GUCY1A2: variants seen among roughly 807,000 people sequenced by gnomAD.
GUCY1A2 encodes the protein guanylate cyclase soluble subunit alpha-2.
In GUCY1A2, 27 loss-of-function variants were observed where a neutral mutation model predicts 63.5. The ratio of observed to expected loss-of-function variants is 0.43; its 90% CI spans 0.31 to 0.59. GUCY1A2 has a LOEUF of 0.59. GUCY1A2 is among the 20% of genes least tolerant of loss of function. The pLI, the probability that GUCY1A2 is intolerant of heterozygous loss-of-function variation, is 0.11. For missense variants in GUCY1A2, 768 were observed against 913.3 expected (o/e 0.84, Z 2.05); for synonymous variants, 364 against 343.5 (o/e 1.06, Z -0.66).
At chr11:106,997,557 G>A (rs187389522) in intron 1 of GUCY1A2, among the ~76,000 whole-genome samples, 68 of 151,866 alleles carry the variant, frequency 4.5e-4, no homozygotes, top group African/African-American at 1.6e-3. Flanking sequence ...CACAAAAATC[G>A]CTACCACCAC....
chr11:106,745,000 A>T (rs1233810562), intron 6 of GUCY1A2, among the ~76,000 whole-genome samples: 1 of 152,216 alleles, frequency 6.6e-6, no homozygotes, highest in Non-Finnish European at 1.5e-5. Context: ...AAAATTATTT[A>T]AAATACTATC....
In GUCY1A2 at chr11:106,904,083, A is replaced by C. The variant is rs140161946; in HGVS notation, c.1206+35377T>G. On this transcript the variant is annotated intron_variant, in intron 4 of 7. Coordinates refer to ENST00000526355, the MANE Select transcript of GUCY1A2 (RefSeq NM_000855.3). ...ACCTAAAGTTATTTATAAGTAACCA[A>C]ATTTATTTGACAGCAGCCACAAAGC... 9.8e-4 allele frequency among the ~76,000 whole-genome samples: 149 copies of C among 152,288 alleles called. 1 individual carries two copies. Among genetic ancestry groups the C allele is most frequent in the African/African-American group, 3.4e-3 (141 of 41,586 alleles).
At chr11:106,778,896 T>C (rs111309028) in intron 5 of GUCY1A2, among the ~76,000 whole-genome samples, 1 of 151,772 alleles carries the variant, frequency 6.6e-6, no homozygotes, top group Admixed American at 6.6e-5. Context: ...TAGATCTGTA[T>C]AGGAAAAATA....
rs112322215 is a variant in GUCY1A2 at position 106,979,094 on chromosome 11, T to C, written c.366-354A>G. Among the ~76,000 whole-genome samples, 8 of 152,318 alleles carry C rather than the reference T, an allele frequency of 5.3e-5. 2 individuals carry two copies. The highest frequency in any genetic ancestry group is 1.7e-4 in the African/African-American group (7 of 41,574). ...CTAGAAAAGGAAAAGTTAACAATGT[T>C]AATTTGGTGTCCTGGCATTCAATGG... On this transcript the variant is annotated intron_variant, in intron 2 of 7. Transcript: ENST00000526355.
intron 4 of GUCY1A2, among the ~76,000 whole-genome samples, chr11:106,896,814 A>C (rs780566101): frequency 1.3e-4 from 20 of 152,212 alleles, no homozygotes; most frequent in Non-Finnish European, 1.9e-4. Flanking sequence ...TGTGAGAAAT[A>C]AATTTCTGTT....
intron 6 of GUCY1A2, among the ~76,000 whole-genome samples, chr11:106,757,462 A>C (rs1863994504): frequency 6.6e-6 from 1 of 152,072 alleles, no homozygotes; most frequent in Non-Finnish European, 1.5e-5. Context: ...ACCTTTTTTC[A>C]TTGGTTTCTC....
chr11:106,718,732 T>C (rs896572197), intron 6 of GUCY1A2, among the ~76,000 whole-genome samples: 1 of 151,958 alleles, frequency 6.6e-6, no homozygotes, highest in African/African-American at 2.4e-5. Flanking sequence ...AACTTAGCGG[T>C]TGAAAAAAAA....
At chr11:106,780,096 G>A (rs1329529803) in intron 5 of GUCY1A2, among the ~76,000 whole-genome samples, 2 of 152,118 alleles carry the variant, frequency 1.3e-5, no homozygotes, top group Non-Finnish European at 2.9e-5. Context: ...AGGAGATCAA[G>A]GCTGCAGTGG....
intron 1 of GUCY1A2, among the ~76,000 whole-genome samples, chr11:107,016,077 A>G (rs1328119196): frequency 6.6e-6 from 1 of 152,218 alleles, no homozygotes; most frequent in African/African-American, 2.4e-5. Context: ...TACAAGTGCC[A>G]CAAGAATATT....
chr11:106,709,022 T>C (rs192333301), intron 6 of GUCY1A2, among the ~76,000 whole-genome samples: 118 of 149,806 alleles, frequency 7.9e-4, no homozygotes, highest in Non-Finnish European at 1.4e-3. Flanking sequence ...CCAGTTATTC[T>C]TAAATAAAAC....
intron 4 of GUCY1A2, among the ~76,000 whole-genome samples, chr11:106,881,408 C>A (rs1859821938): frequency 6.6e-6 from 1 of 151,610 alleles, no homozygotes; most frequent in Non-Finnish European, 1.5e-5. Context: ...TATTTTTTAC[C>A]AAAAGTTCTT....
chr11:107,017,763 G>A lies in GUCY1A2; in HGVS notation c.293C>T (p.Thr98Met). Residue 98 changes from threonine (T) to methionine (M), a missense_variant, in exon 1 of 8, where the codon ACG becomes ATG. By Grantham distance (81) the Thr-to-Met change is moderately conservative. Transcript: ENST00000526355. ...CCGCCCCCCGCTCACCGAGGGCGCC[G>A]TCAGGCGGCTGATGCTCTCGCCCAG... is the stretch of plus-strand genomic sequence containing the variant. ...DSLGESISRL[T>M]APSPQTIQQT... is the part of the protein sequence containing the mutation. 1 of 1,415,636 alleles carries A rather than the reference G, an allele frequency of 7.1e-7. No homozygotes were observed. The highest frequency in any genetic ancestry group is 9.2e-7 in the Non-Finnish European group (1 of 1,084,026). 87.7% of individuals were successfully genotyped at this position (1,415,636 alleles called of 1,614,324 possible).
chr11:106,761,585 A>G (rs764679373), intron 6 of GUCY1A2, among the ~76,000 whole-genome samples: 81 of 152,306 alleles, frequency 5.3e-4, no homozygotes, highest in Admixed American at 9.2e-4. Flanking sequence ...TGCCTGAGAT[A>G]ATTTTTAAAT....
At chr11:106,930,737 T>C (rs992385545) in intron 4 of GUCY1A2, among the ~76,000 whole-genome samples, 1 of 152,176 alleles carries the variant, frequency 6.6e-6, no homozygotes, top group South Asian at 2.1e-4. Context: ...AAAAGAAACC[T>C]AGTGTGTTAT....
rs374275407 is a variant in GUCY1A2 at position 106,962,290 on chromosome 11, G to A, written c.487+16329C>T. 1.7e-4 allele frequency among the ~76,000 whole-genome samples: 26 copies of A among 152,146 alleles called. No individual in the cohort carries two copies. In the East Asian group the frequency reaches 3.5e-3, roughly 20 times the overall value. On this transcript the variant is annotated intron_variant, in intron 3 of 7. Transcript: ENST00000526355. ...TATGGGGCTGGGTGTGGTGGCTCACGCCTGTAATCCCAGCACTTTGGGAGG... is the reference window on the plus strand; with the variant it reads ...TATGGGGCTGGGTGTGGTGGCTCACACCTGTAATCCCAGCACTTTGGGAGG...
chr11:106,779,656 G>GAAA (rs11455773), intron 5 of GUCY1A2, among the ~76,000 whole-genome samples: 1 of 151,414 alleles, frequency 6.6e-6, no homozygotes, highest in African/African-American at 2.4e-5. Context: ...TATCTTTTCA[G>GAAA]AAAAAAAAAT....
At chr11:106,737,239 T>G (rs1863606292) in intron 6 of GUCY1A2, among the ~76,000 whole-genome samples, 1 of 152,172 alleles carries the variant, frequency 6.6e-6, no homozygotes, top group African/African-American at 2.4e-5. Flanking sequence ...AGAAGAGAAC[T>G]TAACATACTT....
At chr11:106,973,339 T>C (rs1366494461) in intron 3 of GUCY1A2, among the ~76,000 whole-genome samples, 1 of 152,124 alleles carries the variant, frequency 6.6e-6, no homozygotes, top group Non-Finnish European at 1.5e-5. Flanking sequence ...AGCATAGCTA[T>C]GAAACCACGT....
chr11:107,012,069 T>G (rs1861753788), intron 1 of GUCY1A2, among the ~76,000 whole-genome samples: 1 of 152,180 alleles, frequency 6.6e-6, no homozygotes, highest in Non-Finnish European at 1.5e-5. Context: ...CTTGTATTTT[T>G]ATAGAATTTA....
Sources: allele counts gnomAD v4.1 joint callset (sites outside exome capture counted in the v4.1 genomes callset), GRCh38; gene constraint gnomAD v4.1.1; transcripts MANE v1.5; gene names NCBI Gene and HGNC (gene_info 2026-07-23, HGNC 2026-07-21).